DOCK4: variants seen among roughly 807,000 people sequenced by gnomAD.
DOCK4 encodes the protein dedicator of cytokinesis protein 4.
In DOCK4, 97 loss-of-function variants were observed where a neutral mutation model predicts 268.1. The ratio of observed to expected loss-of-function variants is 0.36; its 90% CI spans 0.31 to 0.43. DOCK4 has a LOEUF of 0.43. Among genes scored for constraint, DOCK4 ranks in the 20% least tolerant of loss-of-function variants. The pLI, the probability that DOCK4 is intolerant of heterozygous loss-of-function variation, is 1.00. For synonymous variants in DOCK4, 954 were observed against 887.2 expected, an observed-to-expected ratio of 1.08 and a Z score of -1.34; for missense variants, 2,145 against 2,455.7, an observed-to-expected ratio of 0.87 and a Z score of 2.67.
At chr7:112,130,917 A>G (rs188915008) in intron 1 of DOCK4, among the ~76,000 whole-genome samples, 2 of 152,382 alleles carry the variant, frequency 1.3e-5, no homozygotes, top group Non-Finnish European at 2.9e-5. Context: ...TTTTATGTCA[A>G]GTCATTACCT....
At chr7:111,780,617 A>G (rs1798731082) in intron 35 of DOCK4, among the ~76,000 whole-genome samples, 1 of 152,254 alleles carries the variant, frequency 6.6e-6, no homozygotes, top group South Asian at 2.1e-4. Flanking sequence ...AACAATAATT[A>G]CATTTCCTAG....
chr7:112,033,176 T>C (rs1183842195), intron 1 of DOCK4, among the ~76,000 whole-genome samples: 2 of 152,098 alleles, frequency 1.3e-5, no homozygotes, highest in Non-Finnish European at 2.9e-5. Flanking sequence ...TGCAGACAGA[T>C]ACATCATAAT....
intron 16 of DOCK4, among the ~76,000 whole-genome samples, chr7:111,891,325 T>C (rs919422951): frequency 6.6e-6 from 1 of 152,144 alleles, no homozygotes; most frequent in Admixed American, 6.5e-5. Context: ...CATAAGAACA[T>C]ACAGTTAAGC....
At chr7:111,786,545 T>A (rs1423747541) in intron 32 of DOCK4, among the ~76,000 whole-genome samples, 1 of 152,116 alleles carries the variant, frequency 6.6e-6, no homozygotes, top group African/African-American at 2.4e-5. Flanking sequence ...GAAAGATGAG[T>A]TGAGTTCTTA....
intron 1 of DOCK4, among the ~76,000 whole-genome samples, chr7:112,057,760 G>C (rs376700408): frequency 5.2e-4 from 79 of 151,658 alleles, no homozygotes; most frequent in African/African-American, 1.7e-3. Context: ...GGGCAACAGA[G>C]CAAGACCCTG....
intron 25 of DOCK4, 60 bp downstream of exon 25, chr7:111,844,702 TG>T (rs1803953918): frequency 3.9e-6 from 6 of 1,542,116 alleles, no homozygotes; most frequent in Non-Finnish European, 4.4e-6. Context: ...TCAAGCCACC[TG>T]CAACGTGACT....
chr7:111,797,531 G>A (rs536184112), intron 30 of DOCK4, among the ~76,000 whole-genome samples: 1 of 152,242 alleles, frequency 6.6e-6, no homozygotes, highest in African/African-American at 2.4e-5. Context: ...AATTTCAGAG[G>A]TGAGCAATAT....
intron 37 of DOCK4, among the ~76,000 whole-genome samples, chr7:111,767,877 A>T (rs1384933988): frequency 7.2e-5 from 11 of 152,068 alleles, no homozygotes; most frequent in Admixed American, 7.2e-4. Context: ...TCTCAGCAGA[A>T]ATGTAAAAAT....
intron 1 of DOCK4, among the ~76,000 whole-genome samples, chr7:112,049,015 C>T (rs1805112412): frequency 6.6e-6 from 1 of 152,042 alleles, no homozygotes; most frequent in Non-Finnish European, 1.5e-5. Flanking sequence ...GAATTCACTA[C>T]CAGCAGAACA....
At chr7:112,175,923 AT>A (rs1240637883) in intron 1 of DOCK4, among the ~76,000 whole-genome samples, 1 of 152,218 alleles carries the variant, frequency 6.6e-6, no homozygotes, top group Non-Finnish European at 1.5e-5. Context: ...TCTGGGACAT[AT>A]GCCAAAAAAA....
At chr7:111,974,547 T>C (rs1256998985) in intron 8 of DOCK4, among the ~76,000 whole-genome samples, 1 of 106,040 alleles carries the variant, frequency 9.4e-6, no homozygotes, top group African/African-American at 4.5e-5. Flanking sequence ...TGTGTGTGTA[T>C]GATGGGGGTT....
chr7:112,179,541 C>A (rs1418034282), intron 1 of DOCK4, among the ~76,000 whole-genome samples: 3 of 150,346 alleles, frequency 2.0e-5, no homozygotes, highest in Admixed American at 1.3e-4. Context: ...TTTTTTTTAA[C>A]CCAGCTACAT....
chr7:111,755,711 C>T, intron 41 of DOCK4, 110 bp from the exon 42 acceptor site: 3 of 941,162 alleles, frequency 3.2e-6, no homozygotes, highest in Non-Finnish European at 5.0e-6. Flanking sequence ...TCCTGTCAGC[C>T]TTTCTTTAGT....
intron 1 of DOCK4, among the ~76,000 whole-genome samples, chr7:112,145,845 G>C (rs1374185183): frequency 6.6e-6 from 1 of 152,094 alleles, no homozygotes; most frequent in Non-Finnish European, 1.5e-5. Flanking sequence ...GGGGCACTGG[G>C]TGGGTCAAGG....
intron 39 of DOCK4, among the ~76,000 whole-genome samples, chr7:111,762,596 T>C (rs1232358716): frequency 6.6e-6 from 1 of 152,002 alleles, no homozygotes; most frequent in Non-Finnish European, 1.5e-5. Context: ...CATCAGTTAA[T>C]AGATATTTGG....
rs922820156 is a variant in DOCK4 at position 112,128,888 on chromosome 7, G to A, written c.37+77214C>T. Among the ~76,000 whole-genome samples the A allele has an allele frequency of 3.3e-5, 5 of 151,856 alleles. No homozygotes were observed. In the East Asian group the frequency reaches 5.8e-4, roughly 18 times the overall value. On this transcript the variant is annotated intron_variant, in intron 1 of 52. Coordinates refer to ENST00000428084, the MANE Select transcript of DOCK4 (RefSeq NM_001363540.2). Reference sequence around the variant, plus strand: ...ATGACCCTGCCAAATCCCCCTCTGCGAGAAACACCCAAGAATGATCAATAA... The same window carrying A: ...ATGACCCTGCCAAATCCCCCTCTGCAAGAAACACCCAAGAATGATCAATAA...
intron 12 of DOCK4, among the ~76,000 whole-genome samples, chr7:111,932,799 T>C (rs1411925144): frequency 6.6e-6 from 1 of 152,040 alleles, no homozygotes; most frequent in Non-Finnish European, 1.5e-5. Context: ...GTATACTAGG[T>C]TCATGTCTAA....
chr7:112,091,943 C>T (rs1270501275), intron 1 of DOCK4, among the ~76,000 whole-genome samples: 1 of 152,140 alleles, frequency 6.6e-6, no homozygotes, highest in Non-Finnish European at 1.5e-5. Flanking sequence ...CCCATTTGAC[C>T]ATGTCAGTTG....
At chr7:112,198,172 C>T (rs930257191) in intron 1 of DOCK4, among the ~76,000 whole-genome samples, 2 of 151,836 alleles carry the variant, frequency 1.3e-5, no homozygotes, top group African/African-American at 4.8e-5. Flanking sequence ...TGAGGGGGAG[C>T]CTTCATGATG....
Sources: gnomAD v4.1 joint callset for allele counts (sites outside exome capture counted in the v4.1 genomes callset) on GRCh38, gnomAD v4.1.1 for gene constraint, MANE v1.5 for transcripts, NCBI Gene and HGNC (gene_info 2026-07-23, HGNC 2026-07-21) for gene names.